TFDP2: variants seen among roughly 807,000 people sequenced by gnomAD.
The protein encoded by TFDP2 is transcription factor Dp-2 (E2F dimerization partner 2).
A neutral mutation model predicts 59.3 loss-of-function variants in TFDP2; 17 were observed. That is an observed-to-expected ratio of 0.29 (90% CI 0.20 to 0.43). TFDP2 has a LOEUF of 0.43. Among genes scored for constraint, TFDP2 ranks in the 20% least tolerant of loss-of-function variants. The pLI, the probability that TFDP2 is intolerant of heterozygous loss-of-function variation, is 1.00. For synonymous variants in TFDP2, 180 were observed against 194.7 expected (o/e 0.92, Z 0.63); for missense variants, 391 against 528.8 (o/e 0.74, Z 2.56).
At chr3:142,110,176 G>A (rs758550726) in intron 1 of TFDP2, among the ~76,000 whole-genome samples, 1 of 151,744 alleles carries the variant, frequency 6.6e-6, no homozygotes, top group Non-Finnish European at 1.5e-5. Context: ...GAGCCACCAC[G>A]CCCAGTCCAT....
chr3:142,001,092 C>T (rs1943721084), intron 4 of TFDP2, among the ~76,000 whole-genome samples: 1 of 152,186 alleles, frequency 6.6e-6, no homozygotes, highest in Non-Finnish European at 1.5e-5. Context: ...CCAAGCTTTG[C>T]CCTGGTGAGG....
chr3:142,054,924 G>A (rs573569505), intron 3 of TFDP2, among the ~76,000 whole-genome samples: 6 of 152,278 alleles, frequency 3.9e-5, no homozygotes, highest in African/African-American at 1.2e-4. Flanking sequence ...CTCCAGAGAC[G>A]TGAAGGGCCA....
intron 3 of TFDP2, among the ~76,000 whole-genome samples, chr3:142,065,469 G>A (rs1444716514): frequency 1.3e-5 from 2 of 151,780 alleles, no homozygotes; most frequent in African/African-American, 4.8e-5. Flanking sequence ...CAAAAAAAGA[G>A]GAAAGCTAGA....
intron 6 of TFDP2, 64 bp downstream of exon 6, chr3:141,993,474 G>T: frequency 1.0e-6 from 1 of 995,134 alleles, no homozygotes; most frequent in Non-Finnish European, 1.5e-6. Flanking sequence ...CAGAGCAGTG[G>T]CAATGCCAAC....
At chr3:142,009,987 T>G (rs1364689407) in intron 3 of TFDP2, among the ~76,000 whole-genome samples, 1 of 151,938 alleles carries the variant, frequency 6.6e-6, no homozygotes, top group East Asian at 1.9e-4. Flanking sequence ...AATAATATTT[T>G]TATAATCCTG....
intron 10 of TFDP2, 53 bp from the exon 11 acceptor site, chr3:141,959,893 T>C (rs1937145551): frequency 5.1e-6 from 8 of 1,562,738 alleles, no homozygotes; most frequent in Middle Eastern, 1.7e-4. Context: ...GAGGTCTGAA[T>C]AGTTTTGTAT....
At chr3:142,063,389 T>C (rs1215323925) in intron 3 of TFDP2, among the ~76,000 whole-genome samples, 1 of 152,190 alleles carries the variant, frequency 6.6e-6, no homozygotes, top group Non-Finnish European at 1.5e-5. Context: ...AATGCTTCTC[T>C]TCATAAGCAA....
intron 1 of TFDP2, among the ~76,000 whole-genome samples, chr3:142,114,714 A>T (rs1240236277): frequency 6.6e-6 from 1 of 152,014 alleles, no homozygotes; most frequent in Non-Finnish European, 1.5e-5. Flanking sequence ...AAGTTGAATG[A>T]TGTATGTGCT....
chr3:142,034,092 T>C (rs1946561998), intron 3 of TFDP2, among the ~76,000 whole-genome samples: 1 of 7,720 alleles, frequency 1.3e-4, no homozygotes, highest in Non-Finnish European at 3.1e-4. Context: ...TGCACCAACT[T>C]TTTTTTTTTT....
chr3:142,128,417 T>C lies in TFDP2; in HGVS notation c.-93+20766A>G, dbSNP rs372615965. Among the ~76,000 whole-genome samples, 25 of 152,178 alleles carry C rather than the reference T, an allele frequency of 1.6e-4. No individual in the cohort carries two copies. In the East Asian group the frequency reaches 4.8e-3, roughly 29 times the overall value. On this transcript the variant is annotated intron_variant, in intron 1 of 12. Coordinates refer to ENST00000489671, the MANE Select transcript of TFDP2 (RefSeq NM_001178139.2). The stretch of plus-strand genomic sequence containing the variant: ...AAACAATCGGCCTGGGACTAGGAGA[T>C]CCCTCTGCGAGGGAAAGTGATCCAA...
At chr3:142,067,004 T>C (rs563707602) in intron 3 of TFDP2, among the ~76,000 whole-genome samples, 1 of 152,182 alleles carries the variant, frequency 6.6e-6, no homozygotes, top group African/African-American at 2.4e-5. Flanking sequence ...GAAAACTTAC[T>C]CAACCTGATA....
chr3:141,945,315 G>C lies in TFDP2; in HGVS notation c.*7198C>G, dbSNP rs1336825909. 6.6e-6 allele frequency: 1 copy of C among 151,722 alleles called. No homozygotes were observed. The highest frequency in any genetic ancestry group is 1.5e-5 in the Non-Finnish European group (1 of 68,096). The allele number at this position is 151,722 out of a possible 1,614,324, so 9.4% of individuals were successfully genotyped here. ...CGGCTAATTTTATATTTTTAGTAGA[G>C]ACAGGGTTTCTCCATGTTGGTCAGG... On this transcript the variant is annotated 3_prime_UTR_variant, in exon 13 of 13. Coordinates refer to ENST00000489671, the MANE Select transcript of TFDP2 (RefSeq NM_001178139.2).
intron 1 of TFDP2, among the ~76,000 whole-genome samples, chr3:142,143,531 T>TAA (rs1357725176): frequency 6.6e-6 from 1 of 152,068 alleles, no homozygotes; most frequent in Admixed American, 6.6e-5. Flanking sequence ...CCAGAATATA[T>TAA]AAAGAGCTCA....
intron 4 of TFDP2, among the ~76,000 whole-genome samples, chr3:142,002,548 T>TA (rs1305008350): frequency 6.6e-6 from 1 of 152,158 alleles, no homozygotes; most frequent in Non-Finnish European, 1.5e-5. Flanking sequence ...TAATGGCCTT[T>TA]ACCATCCATA....
intron 4 of TFDP2, chr3:142,000,185 T>C: frequency 1.5e-6 from 1 of 670,684 alleles, no homozygotes; most frequent in Non-Finnish European, 2.7e-6. Context: ...TAATTAATTT[T>C]CTTTAAAGTC....
At chr3:141,971,877 C>T (rs756170295) in intron 8 of TFDP2, among the ~76,000 whole-genome samples, 4 of 152,218 alleles carry the variant, frequency 2.6e-5, no homozygotes, top group Non-Finnish European at 5.9e-5. Flanking sequence ...AATGTTCAAC[C>T]TCTTCTGCTC....
chr3:142,101,863 A>C, intron 1 of TFDP2, 22 bp from the exon 2 acceptor site: 1 of 532,462 alleles, frequency 1.9e-6, no homozygotes. Flanking sequence ...AAACAGAGGG[A>C]ATAGTAATGT....
chr3:141,958,390 A>G (rs1427683754), intron 11 of TFDP2, among the ~76,000 whole-genome samples: 2 of 152,226 alleles, frequency 1.3e-5, no homozygotes, highest in African/African-American at 2.4e-5. Flanking sequence ...TCAAATCACC[A>G]AAGAGTATAT....
At chr3:141,977,107 T>TATATA (rs1491255094) in intron 7 of TFDP2, among the ~76,000 whole-genome samples, 1,366 of 86,334 alleles carry the variant, frequency 0.016, 15 homozygotes, top group South Asian at 0.05. Flanking sequence ...TATATATATA[T>TATATA]TTTTTTTTTT....
Sources: allele counts gnomAD v4.1 joint callset (sites outside exome capture counted in the v4.1 genomes callset), GRCh38; gene constraint gnomAD v4.1.1; transcripts MANE v1.5; gene names NCBI Gene and HGNC (gene_info 2026-07-23, HGNC 2026-07-21).